The following UQCC2 variants were observed in gnomAD, a reference collection of about 807,000 sequenced individuals.
UQCC2 encodes the protein breast cancer-associated protein SGA-81M.
UQCC2 carries 21 observed loss-of-function variants against 19.9 expected under a neutral mutation model. The ratio of observed to expected loss-of-function variants is 1.05; its 90% CI spans 0.75 to 1.52. The LOEUF is 1.52. Among genes scored for constraint, UQCC2 ranks in the 40% most tolerant of loss-of-function variants. The pLI, the probability that UQCC2 is intolerant of heterozygous loss-of-function variation, is 0.00. For synonymous variants in UQCC2, 57 were observed against 60.9 expected (o/e 0.94, Z 0.30); for missense variants, 135 against 157.5 (o/e 0.86, Z 0.76).
Position 33,704,016 on chromosome 6 carries a change from CCTTT to C in UQCC2, c.139-2600_139-2597del, listed in dbSNP as rs1232704030. Among the ~76,000 whole-genome samples, 3 of 152,312 alleles carry C rather than the reference CCTTT, an allele frequency of 2.0e-5. No homozygotes were observed. The East Asian group carries it at 5.8e-4, about 29-fold the overall frequency. ...TTTTAAAGCATACTGGCCAACTTAA[CCTTT>C]CTTTTAAAAGAAAATATAATAATAG... On this transcript the variant is annotated intron_variant, in intron 1 of 3. Transcript: ENST00000607484.
intron 1 of UQCC2, among the ~76,000 whole-genome samples, chr6:33,711,341 G>C (rs1234634506): frequency 1.3e-5 from 2 of 152,202 alleles, no homozygotes; most frequent in African/African-American, 4.8e-5. Flanking sequence ...AAGCTTCTTC[G>C]GCAATTCCAA....
intron 1 of UQCC2, among the ~76,000 whole-genome samples, chr6:33,711,228 G>A (rs1400780887): frequency 6.6e-6 from 1 of 152,102 alleles, no homozygotes; most frequent in East Asian, 1.9e-4. Flanking sequence ...ATGTTGCCCA[G>A]GAGGTCATCC....
At chr6:33,703,625 A>G (rs918107078) in intron 1 of UQCC2, among the ~76,000 whole-genome samples, 12 of 67,592 alleles carry the variant, frequency 1.8e-4, no homozygotes, top group African/African-American at 4.4e-4. Flanking sequence ...TTCCCCATGA[A>G]ATACACTTAA....
chr6:33,697,859 G>A (rs1765585103), intron 3 of UQCC2, 109 bp from the exon 4 acceptor site: 1 of 803,452 alleles, frequency 1.2e-6, no homozygotes, highest in South Asian at 1.7e-5. Context: ...TTTTCACACA[G>A]TGTGTTCCTG....
intron 1 of UQCC2, among the ~76,000 whole-genome samples, chr6:33,709,000 C>G (rs1467925649): frequency 6.6e-6 from 1 of 152,230 alleles, no homozygotes; most frequent in East Asian, 1.9e-4. Context: ...GTTGCATCTG[C>G]AGCTGGGACT....
chr6:33,701,725 G>C (rs1248579983), intron 1 of UQCC2, among the ~76,000 whole-genome samples: 1 of 152,032 alleles, frequency 6.6e-6, no homozygotes, highest in East Asian at 1.9e-4. Flanking sequence ...TGCAGTGGGA[G>C]ATGCCACAAT....
At chr6:33,708,991 T>C (rs1015224243) in intron 1 of UQCC2, among the ~76,000 whole-genome samples, 38 of 152,214 alleles carry the variant, frequency 2.5e-4, no homozygotes, top group African/African-American at 8.9e-4. Flanking sequence ...CAGCCATGAG[T>C]TGCATCTGCA....
chr6:33,697,473 A>G lies in UQCC2; in HGVS notation c.*180T>C, dbSNP rs974168069. On this transcript the variant is annotated 3_prime_UTR_variant, in exon 4 of 4. Transcript: ENST00000607484. ...ACCCTGAGCAGCAGTCACAGCAGATAGCTCAATCACCATCCCTTCTCAGGC... is the reference window on the plus strand; with the variant it reads ...ACCCTGAGCAGCAGTCACAGCAGATGGCTCAATCACCATCCCTTCTCAGGC... 8.8e-6 allele frequency: 5 copies of G among 569,092 alleles called. No homozygotes were observed. Among genetic ancestry groups the G allele is most frequent in the Non-Finnish European group, 1.5e-5 (5 of 325,764 alleles). The allele number at this position is 569,092 out of a possible 1,614,324, so 35.3% of individuals were successfully genotyped here. A position where few individuals can be genotyped will look rare whatever the true frequency, so the allele number is the denominator to read the frequency against.
At position 33,709,424 on chromosome 6, in the gene UQCC2, T is replaced by C. The variant is rs148936395; in HGVS notation, c.138+2125A>G. Among the ~76,000 whole-genome samples the C allele has an allele frequency of 4.1e-3, 502 of 121,746 alleles. 2 individuals are homozygous for C. The highest frequency in any genetic ancestry group is 0.011 in the African/African-American group (431 of 40,072). The allele number at this position is 121,746 out of a possible 152,430, so 79.9% of individuals were successfully genotyped here. On this transcript the variant is annotated intron_variant, in intron 1 of 3. Transcript: ENST00000607484. ...CAGACATTTACTGAGTGTTTTTTTA[T>C]GGGCCAAGAACTAGCTAGACACTCG...
chr6:33,710,726 A>G (rs1765756700), intron 1 of UQCC2, among the ~76,000 whole-genome samples: 1 of 152,184 alleles, frequency 6.6e-6, no homozygotes, highest in Non-Finnish European at 1.5e-5. Context: ...ACAATGTAAA[A>G]CTTCATGCGG....
intron 1 of UQCC2, among the ~76,000 whole-genome samples, chr6:33,709,654 G>T (rs553357769): frequency 5.1e-4 from 78 of 152,144 alleles, no homozygotes; most frequent in African/African-American, 1.8e-3. Context: ...GTATAACCTG[G>T]GCCAGACACT....
intron 1 of UQCC2, among the ~76,000 whole-genome samples, chr6:33,703,385 G>C (rs1765662677): frequency 6.6e-6 from 1 of 152,102 alleles, no homozygotes; most frequent in African/African-American, 2.4e-5. Flanking sequence ...GGCTGGTCTC[G>C]AACTCCTGAC....
At chr6:33,707,899 T>C (rs1765718844) in intron 1 of UQCC2, among the ~76,000 whole-genome samples, 1 of 152,338 alleles carries the variant, frequency 6.6e-6, no homozygotes, top group Non-Finnish European at 1.5e-5. Context: ...CAATAGGATA[T>C]GGGGTGTAAG....
chr6:33,698,884 G>T (rs900322369), intron 3 of UQCC2, among the ~76,000 whole-genome samples: 10 of 152,162 alleles, frequency 6.6e-5, no homozygotes, highest in African/African-American at 2.4e-4. Context: ...TTACGTGCAT[G>T]TTAAATTTTA....
In UQCC2 at chr6:33,700,641, C is replaced by T. The variant is rs184653303; in HGVS notation, c.214-128G>A. ...GGAGGCCTAGCAAGGAGAAGAGCAG[C>T]GCCACCTCGAGGTCAAGACTTGGCC... On this transcript the variant is annotated intron_variant, in intron 2 of 3. Transcript: ENST00000607484. The T allele has an allele frequency of 1.5e-3, 1,391 of 914,296 alleles. 26 individuals are homozygous for T. The South Asian group carries it at 0.019, about 13-fold the overall frequency. The allele number at this position is 914,296 out of a possible 1,614,324, so 56.6% of individuals were successfully genotyped here.
chr6:33,709,150 C>T (rs553191283), intron 1 of UQCC2, among the ~76,000 whole-genome samples: 1 of 152,342 alleles, frequency 6.6e-6, no homozygotes, highest in Non-Finnish European at 1.5e-5. Context: ...TCTCACCTCC[C>T]CAAGGATGGA....
intron 1 of UQCC2, among the ~76,000 whole-genome samples, chr6:33,707,310 A>G (rs991797951): frequency 2.0e-5 from 3 of 152,232 alleles, no homozygotes; most frequent in Admixed American, 6.5e-5. Context: ...CTTCAAAAGC[A>G]TAACTTCAGG....
At chr6:33,709,644 G>A (rs1390846743) in intron 1 of UQCC2, among the ~76,000 whole-genome samples, 3 of 152,170 alleles carry the variant, frequency 2.0e-5, no homozygotes, top group East Asian at 1.9e-4. Flanking sequence ...CCTGGGTATC[G>A]TATAACCTGG....
rs1477366898 is a variant in UQCC2, at chr6:33,703,646, A to G, written c.139-2226T>C. Among the ~76,000 whole-genome samples, 5 of 146,676 alleles carry G rather than the reference A, an allele frequency of 3.4e-5. No individual in the cohort carries two copies. The East Asian group carries it at 1.0e-3, about 30-fold the overall frequency. On this transcript the variant is annotated intron_variant, in intron 1 of 3. Transcript: ENST00000607484. ...ATGAAATACACTTAAAAAAAAAAAA[A>G]GTTGCCACAGTTTATCTTTCTCTGT...
Sources: allele counts gnomAD v4.1 joint callset (sites outside exome capture counted in the v4.1 genomes callset), GRCh38; gene constraint gnomAD v4.1.1; transcripts MANE v1.5; gene names NCBI Gene and HGNC (gene_info 2026-07-23, HGNC 2026-07-21).